Variants in MGAT5 observed in about 807,000 individuals in gnomAD.
MGAT5 encodes alpha-1,6-mannosylglycoprotein 6-beta-N-acetylglucosaminyltransferase A.
MGAT5 carries 30 observed loss-of-function variants against 94.3 expected under a neutral mutation model. That is an observed-to-expected ratio of 0.32 (90% CI 0.24 to 0.43). MGAT5 has a LOEUF of 0.43. Among genes scored for constraint, MGAT5 ranks in the 20% least tolerant of loss-of-function variants. The pLI is 1.00. For missense variants in MGAT5, 691 were observed against 905.5 expected, an observed-to-expected ratio of 0.76 and a Z score of 3.04; for synonymous variants, 310 against 322.9, an observed-to-expected ratio of 0.96 and a Z score of 0.43.
chr2:134,420,870 C>T (rs1684252679), intron 12 of MGAT5, among the ~76,000 whole-genome samples: 1 of 152,182 alleles, frequency 6.6e-6, no homozygotes, highest in African/African-American at 2.4e-5. Context: ...ATACATATTT[C>T]AGTATTATGG....
At chr2:134,122,399 C>T (rs114035940) in intron 1 of MGAT5, among the ~76,000 whole-genome samples, 6,048 of 152,212 alleles carry the variant, frequency 0.04, 390 homozygotes, top group African/African-American at 0.14. Context: ...CCACCGTGCC[C>T]GGCCTAGCGC....
chr2:134,122,292 C>T (rs1011725537), intron 1 of MGAT5, among the ~76,000 whole-genome samples: 9 of 152,192 alleles, frequency 5.9e-5, no homozygotes, highest in Admixed American at 3.9e-4. Context: ...TTAGTAGAGA[C>T]GAGGTTTCAC....
In MGAT5 at chr2:134,125,219, C is replaced by T. The variant is rs747106959; in HGVS notation, c.-143+4928C>T. On this transcript the variant is annotated intron_variant, in intron 1 of 16. Coordinates refer to the MGAT5 transcript ENST00000409645. The stretch of plus-strand genomic sequence containing the variant: ...TTTGTACTACAGGTATTTCACTCAA[C>T]AATGAGGTAGATTCTGTTGTTATTC... Among the ~76,000 whole-genome samples the T allele has an allele frequency of 1.1e-4, 16 of 152,144 alleles. 1 individual carries two copies. Among genetic ancestry groups the T allele is most frequent in the Non-Finnish European group, 2.4e-4 (16 of 68,020 alleles).
At chr2:134,297,168 G>A (rs960482626) in intron 2 of MGAT5, among the ~76,000 whole-genome samples, 6 of 136,270 alleles carry the variant, frequency 4.4e-5, no homozygotes, top group Non-Finnish European at 9.1e-5. Context: ...CTACAGTCCA[G>A]CTTGGGCAAC....
chr2:134,138,863 G>A (rs1686537771), intron 1 of MGAT5, among the ~76,000 whole-genome samples: 1 of 152,208 alleles, frequency 6.6e-6, no homozygotes, highest in Non-Finnish European at 1.5e-5. Context: ...TGATGATTAT[G>A]CTGGGATAAC....
intron 1 of MGAT5, among the ~76,000 whole-genome samples, chr2:134,267,006 T>C (rs1009201070): frequency 6.6e-6 from 1 of 152,208 alleles, no homozygotes; most frequent in African/African-American, 2.4e-5. Context: ...TAGTCTCCAG[T>C]GTCAGCTGGT....
chr2:134,126,062 C>T (rs556142981), intron 1 of MGAT5, among the ~76,000 whole-genome samples: 2 of 152,292 alleles, frequency 1.3e-5, no homozygotes, highest in East Asian at 1.9e-4. Context: ...GCAGTGTCTG[C>T]GGAGTCCTAG....
chr2:134,145,294 C>T (rs1573738739), intron 1 of MGAT5, among the ~76,000 whole-genome samples: 1 of 151,894 alleles, frequency 6.6e-6, no homozygotes, highest in African/African-American at 2.4e-5. Flanking sequence ...CGCCTGTAAT[C>T]CCAGCACTTT....
chr2:134,252,745 A>G (rs1164395519), upstream of MGAT5, among the ~76,000 whole-genome samples: 2 of 152,112 alleles, frequency 1.3e-5, no homozygotes, highest in African/African-American at 4.8e-5. Flanking sequence ...TCTGTTACAT[A>G]TTTTTTATTG....
At chr2:134,238,202 C>A (rs1477484217) in intron 1 of MGAT5, among the ~76,000 whole-genome samples, 2 of 152,164 alleles carry the variant, frequency 1.3e-5, no homozygotes, top group African/African-American at 2.4e-5. Flanking sequence ...TACCTGGTAG[C>A]TGTGTGACAT....
At chr2:134,129,819 G>GGCC (rs1413325597) in intron 1 of MGAT5, among the ~76,000 whole-genome samples, 1 of 152,130 alleles carries the variant, frequency 6.6e-6, no homozygotes, top group Non-Finnish European at 1.5e-5. Context: ...GCACCTCCTC[G>GGCC]GCCTCAGCGT....
At chr2:134,327,724 A>G (rs1052756291) in intron 4 of MGAT5, among the ~76,000 whole-genome samples, 1 of 152,146 alleles carries the variant, frequency 6.6e-6, no homozygotes, top group Non-Finnish European at 1.5e-5. Context: ...ATAAGAGAGG[A>G]CTACTGTAAT....
chr2:134,202,504 A>G (rs1679835570), intron 1 of MGAT5, among the ~76,000 whole-genome samples: 1 of 152,180 alleles, frequency 6.6e-6, no homozygotes, highest in South Asian at 2.1e-4. Context: ...GTTGTTCACA[A>G]ATTGCGCAGT....
chr2:134,421,263 T>C (rs1684272440), intron 12 of MGAT5, among the ~76,000 whole-genome samples: 1 of 152,228 alleles, frequency 6.6e-6, no homozygotes, highest in Non-Finnish European at 1.5e-5. Context: ...TGTCTCTGGA[T>C]AATTCAATGT....
intron 10 of MGAT5, among the ~76,000 whole-genome samples, chr2:134,379,542 C>G (rs909766224): frequency 6.6e-6 from 1 of 152,148 alleles, no homozygotes; most frequent in African/African-American, 2.4e-5. Context: ...ATGGAGGCAG[C>G]CCGCCAGCAC....
Position 134,381,532 on chromosome 2 carries a change from C to CAGATAGATAGATAGAT in MGAT5, c.1380+19127_1380+19128insTAGATAGATAGATAGA, listed in dbSNP as rs1342885922. 7.8e-4 allele frequency among the ~76,000 whole-genome samples: 28 copies of CAGATAGATAGATAGAT among 36,124 alleles called. No homozygotes were observed. The South Asian group carries it at 0.016, about 20-fold the overall frequency. The allele number at this position is 36,124 out of a possible 152,430, so 23.7% of individuals were successfully genotyped here. A position where few individuals can be genotyped will look rare whatever the true frequency, so the allele number is the denominator to read the frequency against. ...CAGACCAGACAGACAGACAGACAGA[C>CAGATAGATAGATAGAT]AGACAGATAGATAGATAGATAGATA... On this transcript the variant is annotated intron_variant, in intron 10 of 15. Transcript: ENST00000281923.
At chr2:134,251,582 G>A (rs556988398), upstream of MGAT5, among the ~76,000 whole-genome samples, 29 of 152,206 alleles carry the variant, frequency 1.9e-4, no homozygotes, top group South Asian at 2.1e-4. Context: ...AAGGTAGACA[G>A]GTGTTTTTAA....
chr2:134,348,615 G>C (rs941544487), intron 8 of MGAT5, among the ~76,000 whole-genome samples: 1 of 152,146 alleles, frequency 6.6e-6, no homozygotes, highest in Non-Finnish European at 1.5e-5. Context: ...AAAAAACTGA[G>C]CCAGATTTTT....
rs1680149676 is a variant in MGAT5, at chr2:134,362,339, C to A, written c.1311C>A (p.Ile437=). 1 of 1,614,086 alleles carries A rather than the reference C, an allele frequency of 6.2e-7. No homozygotes were observed. Among genetic ancestry groups the A allele is most frequent in the East Asian group, 2.2e-5 (1 of 44,884 alleles). The change falls in exon 10 of 16, where the codon ATC becomes ATA. Residue 437 remains isoleucine, a synonymous_variant. Coordinates refer to ENST00000281923, the MANE Select transcript of MGAT5 (RefSeq NM_002410.5). ...VVEQHLNSSD[I]HHINEIKRQN... ...AGCAGCACCTGAACTCCAGTGATATCCACCACATTAATGAAATCAAAAGGC... is the reference window on the plus strand; with the variant it reads ...AGCAGCACCTGAACTCCAGTGATATACACCACATTAATGAAATCAAAAGGC...
Sources: allele counts gnomAD v4.1 joint callset (sites outside exome capture counted in the v4.1 genomes callset), GRCh38; gene constraint gnomAD v4.1.1; transcripts MANE v1.5; gene names NCBI Gene and HGNC (gene_info 2026-07-23, HGNC 2026-07-21).